Variants in ABTB3 observed in about 807,000 individuals in gnomAD.
The protein encoded by ABTB3 is ankyrin repeat- and BTB/POZ domain-containing protein 3.
At chr12:107,562,351 A>T in the ABTB3 span, among the ~76,000 whole-genome samples, 413 of 152,368 alleles carry the variant, frequency 2.7e-3, 8 homozygotes, top group East Asian at 0.042. Context: ...GTGGTCAGAG[A>T]AGTTTTCTCT....
the ABTB3 span, among the ~76,000 whole-genome samples, chr12:107,573,669 C>A: frequency 2.0e-5 from 3 of 152,170 alleles, no homozygotes; most frequent in Non-Finnish European, 4.4e-5. Flanking sequence ...TGGATACTGG[C>A]AAGTTCAAAA....
At chr12:107,320,004 TCAA>T in the ABTB3 span, 1 of 1,576,542 alleles carries the variant, frequency 6.3e-7, no homozygotes. Flanking sequence ...GAGCACACGG[TCAA>T]CAACGACTCG....
chr12:107,449,560 G>A, the ABTB3 span, among the ~76,000 whole-genome samples: 4 of 152,124 alleles, frequency 2.6e-5, no homozygotes, highest in Non-Finnish European at 5.9e-5. Flanking sequence ...GAGCAAAATA[G>A]CATCAACAGT....
the ABTB3 span, among the ~76,000 whole-genome samples, chr12:107,331,760 C>CA: frequency 6.6e-6 from 1 of 152,322 alleles, no homozygotes; most frequent in East Asian, 1.9e-4. Flanking sequence ...CAATCTCCTT[C>CA]CCTTTGGAAG....
chr12:107,589,218 G>T, the ABTB3 span, among the ~76,000 whole-genome samples: 1 of 152,198 alleles, frequency 6.6e-6, no homozygotes, highest in Non-Finnish European at 1.5e-5. Context: ...GACCAAGAAG[G>T]TCAGTTCTTT....
the ABTB3 span, among the ~76,000 whole-genome samples, chr12:107,592,712 T>C: frequency 2.6e-5 from 4 of 152,186 alleles, no homozygotes; most frequent in Non-Finnish European, 5.9e-5. Context: ...TTTATATATG[T>C]AGTAAAAAGA....
the ABTB3 span, among the ~76,000 whole-genome samples, chr12:107,416,357 C>T: frequency 6.6e-6 from 1 of 152,176 alleles, no homozygotes; most frequent in Non-Finnish European, 1.5e-5. Context: ...TTAGCAGTTT[C>T]TGGAAATCCA....
the ABTB3 span, among the ~76,000 whole-genome samples, chr12:107,545,361 C>G: frequency 6.6e-6 from 1 of 151,824 alleles, no homozygotes; most frequent in African/African-American, 2.4e-5. Flanking sequence ...CATTCCTCAG[C>G]CCCCCTCAAG....
the ABTB3 span, chr12:107,640,411 A>G: frequency 1.3e-6 from 2 of 1,560,056 alleles, no homozygotes; most frequent in South Asian, 1.2e-5. Flanking sequence ...CAGCCTCTCC[A>G]AGGTACGTAT....
At chr12:107,617,081 C>T in the ABTB3 span, 3 of 1,613,784 alleles carry the variant, frequency 1.9e-6, no homozygotes, top group African/African-American at 4.0e-5. Flanking sequence ...GCCGCTCTTC[C>T]TCTGCAGCTC....
At chr12:107,434,928 C>A in the ABTB3 span, among the ~76,000 whole-genome samples, 1 of 151,896 alleles carries the variant, frequency 6.6e-6, no homozygotes. Context: ...ATGGAGGAGA[C>A]AATAATTAAT....
chr12:107,616,804 C>T, the ABTB3 span, among the ~76,000 whole-genome samples: 1 of 152,214 alleles, frequency 6.6e-6, no homozygotes. Flanking sequence ...AAAATGCAGA[C>T]TCTCATTCAG....
At chr12:107,319,498 G>C in the ABTB3 span, 3 of 1,590,714 alleles carry the variant, frequency 1.9e-6, no homozygotes, top group Non-Finnish European at 2.6e-6. Context: ...TGGCCGCACT[G>C]TCCCTCTACA....
chr12:107,479,213 G>A, the ABTB3 span, among the ~76,000 whole-genome samples: 1 of 152,096 alleles, frequency 6.6e-6, no homozygotes. Flanking sequence ...ATGCATAAAG[G>A]CACATTTGAG....
the ABTB3 span, chr12:107,319,071 C>T: frequency 6.2e-7 from 1 of 1,613,154 alleles, no homozygotes; most frequent in African/African-American, 1.3e-5. Flanking sequence ...TCGCACCCGG[C>T]GTCCCCGTAT....
At chr12:107,474,356 C>T in the ABTB3 span, among the ~76,000 whole-genome samples, 1 of 152,096 alleles carries the variant, frequency 6.6e-6, no homozygotes, top group African/African-American at 2.4e-5. Flanking sequence ...AGGGTGTGAC[C>T]CTGAGTCAGG....
At chr12:107,450,869 G>C in the ABTB3 span, among the ~76,000 whole-genome samples, 1 of 152,104 alleles carries the variant, frequency 6.6e-6, no homozygotes, top group Non-Finnish European at 1.5e-5. Flanking sequence ...TATGTAGATG[G>C]GGGAAGTCTC....
the ABTB3 span, among the ~76,000 whole-genome samples, chr12:107,639,829 T>C: frequency 6.6e-6 from 1 of 152,244 alleles, no homozygotes; most frequent in Non-Finnish European, 1.5e-5. Flanking sequence ...AAGTGCTCAG[T>C]AAGTAGTAGC....
chr12:107,432,795 G>A, the ABTB3 span, among the ~76,000 whole-genome samples: 3 of 152,164 alleles, frequency 2.0e-5, no homozygotes, highest in Non-Finnish European at 4.4e-5. Flanking sequence ...GTATAGGAGA[G>A]GCTCAGTTAT....
Sources: gnomAD v4.1 joint callset for allele counts (sites outside exome capture counted in the v4.1 genomes callset) on GRCh38, gnomAD v4.1.1 for gene constraint, MANE v1.5 for transcripts, NCBI Gene and HGNC (gene_info 2026-07-23, HGNC 2026-07-21) for gene names.